TNRC6C: variants seen among roughly 807,000 people sequenced by gnomAD.
TNRC6C encodes trinucleotide repeat containing adaptor 6C.
Under a neutral mutation model 153.7 loss-of-function variants are expected in TNRC6C, and 20 were observed. The observed-to-expected ratio is 0.13, with a 90% CI of 0.09 to 0.19. TNRC6C has a LOEUF of 0.19. TNRC6C is among the 10% of genes least tolerant of loss of function. The pLI, the probability that TNRC6C is intolerant of heterozygous loss-of-function variation, is 1.00. For missense variants in TNRC6C, 1,987 were observed against 2,172.0 expected (o/e 0.91, Z 1.69); for synonymous variants, 811 against 841.4 (o/e 0.96, Z 0.63).
intron 1 of TNRC6C, among the ~76,000 whole-genome samples, chr17:78,026,427 A>G (rs2071942669): frequency 2.6e-5 from 4 of 152,360 alleles, no homozygotes; most frequent in Admixed American, 2.6e-4. Context: ...CAATTGCATT[A>G]TGCACTATTT....
intron 1 of TNRC6C, among the ~76,000 whole-genome samples, chr17:77,975,431 G>A (rs2070985277): frequency 6.6e-6 from 1 of 152,164 alleles, no homozygotes; most frequent in Admixed American, 6.5e-5. Flanking sequence ...GCTGGAGGGA[G>A]AAAGAAGCCA....
intron 2 of TNRC6C, among the ~76,000 whole-genome samples, chr17:78,033,175 G>A (rs1383626671): frequency 1.3e-5 from 2 of 152,208 alleles, no homozygotes; most frequent in African/African-American, 4.8e-5. Context: ...TGGTTGTGAT[G>A]TGATTGGTTG....
chr17:78,106,263 A>G (rs952825961), exon 20 of TNRC6C: 26 of 152,186 alleles, frequency 1.7e-4, no homozygotes, highest in African/African-American at 5.8e-4. Context: ...TAAAAAAAAA[A>G]AAAGACTTCC....
upstream of TNRC6C, among the ~76,000 whole-genome samples, chr17:77,957,890 C>G (rs1453020430): frequency 6.6e-6 from 1 of 152,216 alleles, no homozygotes; most frequent in Non-Finnish European, 1.5e-5. Flanking sequence ...CCGGAGCGCC[C>G]GGGTTCGGCC....
intron 1 of TNRC6C, among the ~76,000 whole-genome samples, chr17:78,030,406 C>T (rs948534762): frequency 2.6e-5 from 4 of 151,858 alleles, no homozygotes; most frequent in African/African-American, 9.7e-5. Context: ...TCAGGTGATC[C>T]GCCCACCGTG....
chr17:78,053,305 A>G (rs1245033028), intron 3 of TNRC6C, among the ~76,000 whole-genome samples: 1 of 152,112 alleles, frequency 6.6e-6, no homozygotes, highest in East Asian at 1.9e-4. Context: ...GGATAAGGAG[A>G]AGCAGGAAGA....
At chr17:78,030,313 CTTGTGTGTGTG>C (rs1567924138) in intron 1 of TNRC6C, among the ~76,000 whole-genome samples, 11 of 142,994 alleles carry the variant, frequency 7.7e-5, no homozygotes, top group African/African-American at 2.7e-4. Context: ...CCACACCTGG[CTTGTGTGTGTG>C]CGTGTGTGTG....
intron 1 of TNRC6C, among the ~76,000 whole-genome samples, chr17:77,982,946 G>T (rs1158982885): frequency 6.6e-6 from 1 of 152,122 alleles, no homozygotes; most frequent in Non-Finnish European, 1.5e-5. Context: ...AATGAAAAAT[G>T]AGTCAATCCA....
chr17:77,991,810 T>G (rs550208061), intron 1 of TNRC6C, among the ~76,000 whole-genome samples: 1 of 152,350 alleles, frequency 6.6e-6, no homozygotes, highest in South Asian at 2.1e-4. Flanking sequence ...GCTGTCACTT[T>G]TGGACCGCAG....
chr17:78,082,048 TTTCAC>T (rs1160573794), intron 10 of TNRC6C, among the ~76,000 whole-genome samples: 1 of 151,578 alleles, frequency 6.6e-6, no homozygotes, highest in Non-Finnish European at 1.5e-5. Context: ...GCCTTTGACA[TTTCAC>T]CCATGAGACA....
In TNRC6C at chr17:78,049,748, A is replaced by C. The variant is rs369779944; in HGVS notation, c.686A>C (p.Asn229Thr). ...CACCTGCAAGGCCTTCCTGGTGCTA[A>C]TGGATCATCAGTTTCTCAAGTCAGT... Residue 229 changes from asparagine to threonine, a missense_variant, in exon 3 of 20, where the codon AAT becomes ACT. Around this residue, in one of 4 missense-constraint regions of TNRC6C, gnomAD observed 1,052 missense variants for 1,017.0 expected, o/e 1.03. Transcript: ENST00000301624. This position sits in a 1 kb window ranked among gnomAD's most constrained non-coding sequence, Gnocchi z 4.1. 1 of 1,590,464 alleles carries C rather than the reference A, an allele frequency of 6.3e-7. No individual in the cohort carries two copies. Among genetic ancestry groups the C allele is most frequent in the Non-Finnish European group, 8.6e-7 (1 of 1,166,618 alleles).
intron 5 of TNRC6C, among the ~76,000 whole-genome samples, chr17:78,068,857 T>C (rs990916322): frequency 2.6e-5 from 4 of 152,152 alleles, no homozygotes; most frequent in Admixed American, 1.3e-4. Context: ...ACATCTCATA[T>C]ATACATGAGC....
chr17:78,063,019 G>A (rs556338927), intron 3 of TNRC6C, among the ~76,000 whole-genome samples: 68 of 152,166 alleles, frequency 4.5e-4, no homozygotes, highest in African/African-American at 1.5e-3. Flanking sequence ...GCTGAAGCGG[G>A]GGGATCACTT....
chr17:78,070,825 C>T (rs3764379), intron 5 of TNRC6C, among the ~76,000 whole-genome samples: 24,942 of 152,100 alleles, frequency 0.16, 2,216 homozygotes, highest in Middle Eastern at 0.21. Context: ...AATTAATTAT[C>T]TGGGAAAGAG....
intron 1 of TNRC6C, among the ~76,000 whole-genome samples, chr17:78,020,693 C>T (rs756536640): frequency 6.6e-6 from 1 of 152,190 alleles, no homozygotes; most frequent in Non-Finnish European, 1.5e-5. Context: ...TAATGTTTAA[C>T]TTGATATATC....
At chr17:78,098,577 C>G (rs1209856793) in intron 17 of TNRC6C, 40 bp downstream of exon 20, 1 of 1,579,532 alleles carries the variant, frequency 6.3e-7, no homozygotes, top group Non-Finnish European at 8.6e-7. Flanking sequence ...GGGGCCTTAC[C>G]CTTTAGGGGA....
chr17:78,067,723 G>T (rs779900943), intron 4 of TNRC6C, 34 bp from the exon 7 acceptor site: 1 of 1,569,614 alleles, frequency 6.4e-7, no homozygotes, highest in South Asian at 1.2e-5. Flanking sequence ...TTAGGGACAT[G>T]AATTTGATAA....
chr17:78,000,764 A>T (rs1219615812), upstream of TNRC6C, among the ~76,000 whole-genome samples: 1 of 152,136 alleles, frequency 6.6e-6, no homozygotes, highest in Non-Finnish European at 1.5e-5. Context: ...TCTGATAACT[A>T]AACCTCAAAG....
chr17:78,083,191 TAGAGCAC>T, intron 11 of TNRC6C, 25 bp downstream of exon 13: 1 of 1,613,032 alleles, frequency 6.2e-7, no homozygotes, highest in South Asian at 1.1e-5. Flanking sequence ...CCATGCAAGT[TAGAGCAC>T]GCAGGCCGAG....
Sources: gnomAD v4.1 joint callset for allele counts (sites outside exome capture counted in the v4.1 genomes callset) on GRCh38, gnomAD v4.1.1 for gene constraint, gnomAD v4.1.1 regional missense constraint, Gnocchi (gnomAD v3.1) non-coding constraint, MANE v1.5 for transcripts, NCBI Gene and HGNC (gene_info 2026-07-23, HGNC 2026-07-21) for gene names.